Variants in FAM135A observed in about 807,000 individuals in gnomAD.
The protein encoded by FAM135A is protein FAM135A.
FAM135A carries 79 observed loss-of-function variants against 146.8 expected under a neutral mutation model. The observed-to-expected ratio is 0.54, with a 90% CI of 0.45 to 0.65. The LOEUF (loss-of-function observed/expected upper bound fraction) is 0.65, where lower values mean the gene tolerates loss of function less well. Among genes scored for constraint, FAM135A ranks in the 30% least tolerant of loss-of-function variants. The probability of loss-of-function intolerance (pLI) is 0.00; values close to 1 mark genes in which losing one functional copy is unlikely to be tolerated. For missense variants in FAM135A, 1,623 were observed against 1,758.2 expected (o/e 0.92, Z 1.38); for synonymous variants, 562 against 603.6 (o/e 0.93, Z 1.01).
chr6:70,414,221 T>A (rs1766985008), intron 1 of FAM135A, among the ~76,000 whole-genome samples: 1 of 152,190 alleles, frequency 6.6e-6, no homozygotes, highest in Non-Finnish European at 1.5e-5. Context: ...TTCTCACTCT[T>A]GTTACCTCCA....
chr6:70,528,024 T>C lies in FAM135A; in HGVS notation c.3615-268T>C, dbSNP rs75506771. 3.0e-3 allele frequency among the ~76,000 whole-genome samples: 456 copies of C among 152,326 alleles called. 3 individuals carry two copies. The highest frequency in any genetic ancestry group is 0.01 in the African/African-American group (435 of 41,588). On this transcript the variant is annotated intron_variant, in intron 15 of 21. Transcript: ENST00000418814. ...GCAGAAAGTATAACTTCACTCAGAA[T>C]GTTTTCTTAGAGTTGATTTCAAGTT...
intron 2 of FAM135A, among the ~76,000 whole-genome samples, chr6:70,420,180 G>A (rs561622336): frequency 6.6e-6 from 1 of 152,294 alleles, no homozygotes; most frequent in South Asian, 2.1e-4. Context: ...TCTCCAATTT[G>A]TTCAACTTCT....
At chr6:70,508,734 T>C (rs12211858) in intron 12 of FAM135A, among the ~76,000 whole-genome samples, 17 of 152,200 alleles carry the variant, frequency 1.1e-4, no homozygotes, top group Non-Finnish European at 2.2e-4. Flanking sequence ...ATAAAGATCC[T>C]GAAGCCAAAT....
At chr6:70,478,792 G>C (rs754892548) in intron 8 of FAM135A, among the ~76,000 whole-genome samples, 2 of 151,982 alleles carry the variant, frequency 1.3e-5, no homozygotes, top group South Asian at 4.1e-4. Context: ...TTGAGAGGTC[G>C]TGCTAAGTTA....
intron 2 of FAM135A, among the ~76,000 whole-genome samples, chr6:70,417,844 A>C (rs1308561794): frequency 6.6e-6 from 1 of 152,200 alleles, no homozygotes; most frequent in African/African-American, 2.4e-5. Context: ...TTTGGAATTG[A>C]GAATCCCAGA....
At chr6:70,482,276 T>C in intron 10 of FAM135A, 122 bp downstream of exon 10, 1 of 893,290 alleles carries the variant, frequency 1.1e-6, no homozygotes, top group Non-Finnish European at 1.6e-6. Context: ...TGTGCTTCAC[T>C]TCTCTATCAA....
chr6:70,481,873 A>G, intron 9 of FAM135A, 128 bp from the exon 10 acceptor site: 2 of 882,974 alleles, frequency 2.3e-6, no homozygotes, highest in South Asian at 2.3e-5. Flanking sequence ...ATATTACCAC[A>G]TTTTTTATAT....
chr6:70,430,286 G>A (rs1046991821), intron 4 of FAM135A, among the ~76,000 whole-genome samples: 2 of 151,712 alleles, frequency 1.3e-5, no homozygotes, highest in Non-Finnish European at 2.9e-5. Flanking sequence ...TCAGTGAGCC[G>A]ACACGGTGCC....
rs542517352 is a variant in FAM135A at position 70,474,661 on chromosome 6, T to C, written c.158-749T>C. ...CAGATGTGAAGCTTCCGTTGTTTTC[T>C]CCCCATTAAGTAAGGACGCATTAAC... On this transcript the variant is annotated intron_variant, in intron 5 of 21. Transcript: ENST00000418814. Among the ~76,000 whole-genome samples, 7 of 152,300 alleles carry C rather than the reference T, an allele frequency of 4.6e-5. No individual in the cohort carries two copies. The South Asian group carries it at 1.5e-3, about 32-fold the overall frequency.
chr6:70,438,293 T>C (rs1373117415), intron 4 of FAM135A, among the ~76,000 whole-genome samples: 2 of 152,234 alleles, frequency 1.3e-5, no homozygotes, highest in African/African-American at 4.8e-5. Context: ...TTTAAAATAC[T>C]TACAGTAATC....
chr6:70,484,164 C>T (rs927594629), intron 10 of FAM135A, among the ~76,000 whole-genome samples: 1 of 152,184 alleles, frequency 6.6e-6, no homozygotes, highest in African/African-American at 2.4e-5. Context: ...AGAACTTTGA[C>T]TTCTCCTGTT....
In FAM135A at chr6:70,503,041, A is replaced by C. The variant is rs748812578; in HGVS notation, c.1029+250A>C. On this transcript the variant is annotated intron_variant, in intron 12 of 21. Coordinates refer to ENST00000418814, the MANE Select transcript of FAM135A (RefSeq NM_001162529.3). ...CTAAAAGTAAGTAAAATAGGAAAATATATGATACAGAATAGAATAGGAACC... is the reference window on the plus strand; with the variant it reads ...CTAAAAGTAAGTAAAATAGGAAAATCTATGATACAGAATAGAATAGGAACC... The C allele has an allele frequency of 2.5e-5, 7 of 279,220 alleles. No individual in the cohort carries two copies. In the Middle Eastern group the frequency reaches 3.6e-3, roughly 144 times the overall value. 17.3% of individuals were successfully genotyped at this position (279,220 alleles called of 1,614,324 possible).
rs1000533368 is a variant in FAM135A at position 70,427,488 on chromosome 6, C to T, written c.-39-816C>T. Reference sequence around the variant, plus strand: ...CGGGGATTGCAGTGAGCCGAGAGCGCGCCACTGCACTCCAGCCTGGGTGAC... The same window carrying T: ...CGGGGATTGCAGTGAGCCGAGAGCGTGCCACTGCACTCCAGCCTGGGTGAC... On this transcript the variant is annotated intron_variant, in intron 3 of 21. Transcript: ENST00000418814. Among the ~76,000 whole-genome samples the T allele has an allele frequency of 3.3e-5, 5 of 150,408 alleles. No individual in the cohort carries two copies. In the South Asian group the frequency reaches 8.4e-4, roughly 25 times the overall value.
intron 10 of FAM135A, among the ~76,000 whole-genome samples, chr6:70,484,970 G>A (rs976162892): frequency 1.4e-4 from 22 of 152,156 alleles, no homozygotes; most frequent in Admixed American, 4.6e-4. Flanking sequence ...AGAAAGTATC[G>A]TAATAAAAGT....
At chr6:70,428,812 A>G (rs927620824) in intron 4 of FAM135A, among the ~76,000 whole-genome samples, 1 of 152,240 alleles carries the variant, frequency 6.6e-6, no homozygotes, top group Admixed American at 6.5e-5. Flanking sequence ...CAGTGAATGT[A>G]GTTTTATAAT....
chr6:70,553,931 C>A (rs12529309), intron 20 of FAM135A, among the ~76,000 whole-genome samples: 19,119 of 151,844 alleles, frequency 0.13, 1,476 homozygotes, highest in Middle Eastern at 0.19. Flanking sequence ...TAAAGGTGGC[C>A]AATATTTCTC....
chr6:70,539,982 T>C (rs1191219035), intron 20 of FAM135A, among the ~76,000 whole-genome samples: 3 of 151,998 alleles, frequency 2.0e-5, no homozygotes, highest in African/African-American at 4.8e-5. Flanking sequence ...GGAGACAGAG[T>C]GAGACTCCGT....
intron 5 of FAM135A, among the ~76,000 whole-genome samples, chr6:70,464,702 C>G: frequency 8.3e-6 from 1 of 121,140 alleles, no homozygotes; most frequent in East Asian, 2.4e-4. Context: ...CTCACTTTGT[C>G]ACTCAGGCCG....
chr6:70,523,523 G>C (rs893709402), intron 13 of FAM135A, among the ~76,000 whole-genome samples: 1 of 152,008 alleles, frequency 6.6e-6, no homozygotes, highest in Non-Finnish European at 1.5e-5. Context: ...TTTTAAAATA[G>C]CTGTTAATTT....
Sources: gnomAD v4.1 joint callset for allele counts (sites outside exome capture counted in the v4.1 genomes callset) on GRCh38, gnomAD v4.1.1 for gene constraint, MANE v1.5 for transcripts, NCBI Gene and HGNC (gene_info 2026-07-23, HGNC 2026-07-21) for gene names.